The following DPP10 variants were observed in gnomAD, a reference collection of about 807,000 sequenced individuals.
DPP10 encodes inactive dipeptidyl peptidase 10.
Under a neutral mutation model 120.9 loss-of-function variants are expected in DPP10, and 33 were observed. That is an observed-to-expected ratio of 0.27 (90% CI 0.21 to 0.37). The LOEUF is 0.37. Among genes scored for constraint, DPP10 ranks in the 10% least tolerant of loss-of-function variants. The pLI, the probability that DPP10 is intolerant of heterozygous loss-of-function variation, is 1.00. For missense variants in DPP10, 816 were observed against 942.8 expected (o/e 0.87, Z 1.76); for synonymous variants, 337 against 326.1 (o/e 1.03, Z -0.36).
chr2:114,719,490 C>T (rs12478020), intron 1 of DPP10, among the ~76,000 whole-genome samples: 5,638 of 152,200 alleles, frequency 0.037, 141 homozygotes, highest in South Asian at 0.084. Flanking sequence ...CTAACCAGGA[C>T]GAAAGTGGTT....
intron 1 of DPP10, among the ~76,000 whole-genome samples, chr2:115,021,375 G>A (rs1559002267): frequency 6.6e-6 from 1 of 152,028 alleles, no homozygotes; most frequent in Non-Finnish European, 1.5e-5. Flanking sequence ...ATTATTCAGG[G>A]CTACTGTGAG....
At chr2:114,837,031 AACAC>A (rs1204454136) in intron 1 of DPP10, among the ~76,000 whole-genome samples, 1 of 152,160 alleles carries the variant, frequency 6.6e-6, no homozygotes, top group African/African-American at 2.4e-5. Flanking sequence ...ATATTGTTCA[AACAC>A]ACATGCTCTA....
At chr2:115,463,808 G>C (rs1212766574) in intron 3 of DPP10, among the ~76,000 whole-genome samples, 1 of 152,092 alleles carries the variant, frequency 6.6e-6, no homozygotes, top group Non-Finnish European at 1.5e-5. Flanking sequence ...CTGAGGGAAG[G>C]GTTGACTTCC....
intron 13 of DPP10, among the ~76,000 whole-genome samples, chr2:115,776,102 G>A (rs1172069966): frequency 6.6e-6 from 1 of 152,114 alleles, no homozygotes; most frequent in African/African-American, 2.4e-5. Flanking sequence ...GAATCAGAGT[G>A]AAGTAGCTTG....
intron 4 of DPP10, among the ~76,000 whole-genome samples, chr2:115,503,091 T>G (rs2148803655): frequency 6.6e-6 from 1 of 152,246 alleles, no homozygotes; most frequent in Admixed American, 6.5e-5. Context: ...TCTGTAAGCC[T>G]ATTTAAATAC....
intron 1 of DPP10, among the ~76,000 whole-genome samples, chr2:114,495,157 C>T (rs193052871): frequency 2.6e-5 from 4 of 152,084 alleles, no homozygotes; most frequent in Non-Finnish European, 4.4e-5. Flanking sequence ...TGGGCTATTA[C>T]ATGTATGTCT....
At chr2:115,831,631 A>T (rs115869242) in intron 21 of DPP10, among the ~76,000 whole-genome samples, 1,956 of 152,304 alleles carry the variant, frequency 0.013, 42 homozygotes, top group African/African-American at 0.042. Context: ...CTGGGGCCAC[A>T]GCAAACATAA....
chr2:114,805,709 A>T (rs1421924053), intron 1 of DPP10, among the ~76,000 whole-genome samples: 1 of 152,210 alleles, frequency 6.6e-6, no homozygotes, highest in Non-Finnish European at 1.5e-5. Context: ...TGTGGGAGAC[A>T]CTCAGAGACC....
At chr2:115,535,905 T>C (rs956579588) in intron 5 of DPP10, among the ~76,000 whole-genome samples, 9 of 151,760 alleles carry the variant, frequency 5.9e-5, no homozygotes, top group East Asian at 1.9e-4. Context: ...CATGATTTGG[T>C]TCTCTGTTTG....
At chr2:114,965,336 C>T (rs982968738) in intron 1 of DPP10, among the ~76,000 whole-genome samples, 4 of 151,962 alleles carry the variant, frequency 2.6e-5, no homozygotes, top group Non-Finnish European at 4.4e-5. Flanking sequence ...GGGGTTTCAC[C>T]ATGTTGGCCA....
In DPP10 at chr2:114,449,872, T is replaced by G. The variant is rs967019808; in HGVS notation, c.60+7034T>G. ...TATTAACTATAATGATGATAAAAAT[T>G]CATTTTGAAGTCACCCGGGGGATGA... On this transcript the variant is annotated intron_variant, in intron 1 of 25. Coordinates refer to ENST00000410059, the MANE Select transcript of DPP10 (RefSeq NM_020868.6). 3.9e-5 allele frequency among the ~76,000 whole-genome samples: 6 copies of G among 152,176 alleles called. No individual in the cohort carries two copies. The East Asian group carries it at 1.2e-3, about 29-fold the overall frequency.
In DPP10 at chr2:114,885,529, T is replaced by C. The variant is rs538554951; in HGVS notation, c.61-423710T>C. On this transcript the variant is annotated intron_variant, in intron 1 of 25. Transcript: ENST00000410059. ...CACTTAAAGAGCATGGGAAGAAACT[T>C]ATTTTCTATTAGAAAATTTTTATCT... Among the ~76,000 whole-genome samples the C allele has an allele frequency of 4.6e-5, 7 of 152,196 alleles. No individual in the cohort carries two copies. In the South Asian group the frequency reaches 1.4e-3, roughly 32 times the overall value.
intron 8 of DPP10, among the ~76,000 whole-genome samples, chr2:115,733,912 A>G (rs1423243054): frequency 6.6e-6 from 1 of 152,240 alleles, no homozygotes; most frequent in Admixed American, 6.5e-5. Flanking sequence ...TTGTAAAAAT[A>G]AATTCTTTGT....
chr2:114,765,488 G>A (rs893523430), intron 1 of DPP10, among the ~76,000 whole-genome samples: 8 of 152,264 alleles, frequency 5.3e-5, no homozygotes, highest in African/African-American at 7.2e-5. Flanking sequence ...CAACAAATAC[G>A]AGAGATGGAG....
At chr2:114,689,379 A>G (rs888066029) in intron 1 of DPP10, among the ~76,000 whole-genome samples, 4 of 151,898 alleles carry the variant, frequency 2.6e-5, no homozygotes, top group Non-Finnish European at 4.4e-5. Context: ...AATGGCTTCT[A>G]GCTCCATCCA....
chr2:115,728,643 G>A (rs1008934577), intron 8 of DPP10, among the ~76,000 whole-genome samples: 1 of 152,110 alleles, frequency 6.6e-6, no homozygotes, highest in Non-Finnish European at 1.5e-5. Flanking sequence ...AAATTATAAA[G>A]CTATGAATCA....
At chr2:115,066,858 T>G (rs989079022) in intron 1 of DPP10, 7 of 152,244 alleles carry the variant, frequency 4.6e-5, no homozygotes, top group African/African-American at 1.7e-4. Flanking sequence ...CTTCATTGAT[T>G]ACCACAGTTG....
intron 1 of DPP10, among the ~76,000 whole-genome samples, chr2:114,909,084 T>C (rs1012668392): frequency 2.0e-5 from 3 of 151,932 alleles, no homozygotes; most frequent in African/African-American, 4.8e-5. Flanking sequence ...TTTTCAAATA[T>C]GAATTTCAAA....
In DPP10 at chr2:114,576,280, C is replaced by A. The variant is rs143552421; in HGVS notation, c.60+133442C>A. Among the ~76,000 whole-genome samples, 4 of 152,182 alleles carry A rather than the reference C, an allele frequency of 2.6e-5. 1 individual carries two copies. Among genetic ancestry groups the A allele is most frequent in the South Asian group, 4.2e-4 (2 of 4,808 alleles). On this transcript the variant is annotated intron_variant, in intron 1 of 25. Transcript: ENST00000410059. ...CCAGGGACCAGTAATAGTGAGAAATCCAATTTTTCAAGGGGCAGAGATATT... is the reference window on the plus strand; with the variant it reads ...CCAGGGACCAGTAATAGTGAGAAATACAATTTTTCAAGGGGCAGAGATATT...
Sources: allele counts gnomAD v4.1 joint callset (sites outside exome capture counted in the v4.1 genomes callset), GRCh38; gene constraint gnomAD v4.1.1; transcripts MANE v1.5; gene names NCBI Gene and HGNC (gene_info 2026-07-23, HGNC 2026-07-21).